Variants in ARHGAP32 observed in about 807,000 individuals in gnomAD.
The protein encoded by ARHGAP32 is Rho GTPase activating protein 32.
Under a neutral mutation model 186.5 loss-of-function variants are expected in ARHGAP32, and 51 were observed. The ratio of observed to expected loss-of-function variants is 0.27; its 90% CI spans 0.22 to 0.35. ARHGAP32 has a LOEUF of 0.35. Ranked by LOEUF, ARHGAP32 falls within the 10% of genes least tolerant of loss-of-function variation. The pLI is 1.00. For missense variants in ARHGAP32, 2,186 were observed against 2,623.5 expected, an observed-to-expected ratio of 0.83 and a Z score of 3.64; for synonymous variants, 950 against 964.3, an observed-to-expected ratio of 0.99 and a Z score of 0.27.
chr11:129,031,171 CA>C (rs777229688), intron 11 of ARHGAP32, among the ~76,000 whole-genome samples: 1 of 152,130 alleles, frequency 6.6e-6, no homozygotes, highest in Non-Finnish European at 1.5e-5. Context: ...AGATTTATAT[CA>C]ATAAATAGTA....
At chr11:129,077,982 C>A (rs764361451) in intron 6 of ARHGAP32, among the ~76,000 whole-genome samples, 24 of 152,212 alleles carry the variant, frequency 1.6e-4, no homozygotes, top group Non-Finnish European at 2.6e-4. Context: ...AGTCTGTCCA[C>A]CTGACAACTT....
At chr11:129,070,724 T>C (rs1381030377) in intron 6 of ARHGAP32, among the ~76,000 whole-genome samples, 2 of 151,998 alleles carry the variant, frequency 1.3e-5, no homozygotes, top group African/African-American at 2.4e-5. Flanking sequence ...AAAGTTAAAA[T>C]AAATACATAC....
intron 1 of ARHGAP32, among the ~76,000 whole-genome samples, chr11:129,258,887 C>G (rs996231308): frequency 6.6e-6 from 1 of 152,030 alleles, no homozygotes; most frequent in East Asian, 1.9e-4. Flanking sequence ...CTAATTTTTC[C>G]CATCTTACCC....
intron 5 of ARHGAP32, among the ~76,000 whole-genome samples, chr11:129,099,721 T>G (rs1941836334): frequency 6.9e-6 from 1 of 144,984 alleles, no homozygotes; most frequent in African/African-American, 2.6e-5. Flanking sequence ...TAATAGAAGG[T>G]TCAATACACA....
upstream of ARHGAP32, among the ~76,000 whole-genome samples, chr11:129,196,970 T>C (rs780580748): frequency 2.0e-5 from 3 of 151,968 alleles, no homozygotes; most frequent in South Asian, 2.1e-4. Flanking sequence ...GGCAGGAGAA[T>C]AGCTTCAGCC....
At position 128,978,801 on chromosome 11, in the gene ARHGAP32, C is replaced by T. The variant is rs1591492603; in HGVS notation, c.2091G>A (p.Glu697=). 1 of 1,612,384 alleles carries T rather than the reference C, an allele frequency of 6.2e-7. No individual in the cohort carries two copies. ...SKRKLQRNES[E]PSEMKAMALK... is the part of the protein sequence containing the mutation. The stretch of plus-strand genomic sequence containing the variant: ...GAGCCATGGCTTTCATCTCTGAAGG[C>T]TCACTCTCATTCCGCTGCAGCTTTC... The change falls in exon 19 of 23, where the codon GAG becomes GAA. Residue 697 remains glutamate (E), a synonymous_variant. Transcript: ENST00000682385.
intron 1 of ARHGAP32, among the ~76,000 whole-genome samples, chr11:129,244,861 C>G (rs1300282975): frequency 6.6e-6 from 1 of 151,658 alleles, no homozygotes; most frequent in African/African-American, 2.4e-5. Flanking sequence ...CTCACCATCA[C>G]TGGCCATCAG....
At chr11:129,027,903 A>T (rs538389685) in intron 11 of ARHGAP32, among the ~76,000 whole-genome samples, 9 of 152,340 alleles carry the variant, frequency 5.9e-5, no homozygotes, top group Non-Finnish European at 2.9e-5. Context: ...CTTAGTATGC[A>T]CTCGATAAAT....
intron 10 of ARHGAP32, among the ~76,000 whole-genome samples, chr11:129,058,531 GA>G (rs1940359542): frequency 6.6e-6 from 1 of 152,138 alleles, no homozygotes; most frequent in East Asian, 1.9e-4. Flanking sequence ...TACACAAAGT[GA>G]GGTCCACTAG....
intron 22 of ARHGAP32, chr11:128,971,710 G>A (rs1427435133): frequency 1.3e-5 from 2 of 152,686 alleles, no homozygotes; most frequent in East Asian, 3.9e-4. Flanking sequence ...TCCTCATACT[G>A]AAAACATGCT....
At chr11:129,140,381 T>C (rs777496384) in intron 2 of ARHGAP32, among the ~76,000 whole-genome samples, 11 of 152,212 alleles carry the variant, frequency 7.2e-5, no homozygotes, top group Non-Finnish European at 1.0e-4. Flanking sequence ...ACTTCTAACA[T>C]GCAGAACTGT....
chr11:129,078,249 G>A (rs1479974430), intron 6 of ARHGAP32, among the ~76,000 whole-genome samples: 1 of 152,068 alleles, frequency 6.6e-6, no homozygotes, highest in Admixed American at 6.5e-5. Context: ...CATCCCTAGG[G>A]GAAGGGGGTG....
At chr11:129,028,727 T>C (rs1374642408) in intron 11 of ARHGAP32, among the ~76,000 whole-genome samples, 1 of 152,166 alleles carries the variant, frequency 6.6e-6, no homozygotes, top group Non-Finnish European at 1.5e-5. Context: ...AAATTTGCAC[T>C]AGTGGACTAG....
chr11:128,994,465 A>G (rs2134709665), intron 12 of ARHGAP32, among the ~76,000 whole-genome samples: 1 of 152,152 alleles, frequency 6.6e-6, no homozygotes, highest in South Asian at 2.1e-4. Flanking sequence ...TCTCTTTCAT[A>G]TTAATGATCA....
chr11:129,143,072 CATAT>C (rs145242519), intron 2 of ARHGAP32, among the ~76,000 whole-genome samples: 6 of 112,464 alleles, frequency 5.3e-5, no homozygotes, highest in South Asian at 2.8e-4. Flanking sequence ...GGTAAAACTG[CATAT>C]ATATATATAT....
At chr11:129,000,258 T>A (rs1461394973) in intron 11 of ARHGAP32, among the ~76,000 whole-genome samples, 1 of 152,168 alleles carries the variant, frequency 6.6e-6, no homozygotes, top group East Asian at 1.9e-4. Context: ...TTCCACCGAC[T>A]GATACATTAG....
intron 11 of ARHGAP32, among the ~76,000 whole-genome samples, chr11:129,036,315 G>A (rs952291630): frequency 3.5e-5 from 5 of 141,362 alleles, no homozygotes; most frequent in African/African-American, 1.3e-4. Context: ...AGGAGGCGGA[G>A]GTTGCAGTGA....
chr11:129,086,913 C>T (rs1941426212), intron 6 of ARHGAP32, among the ~76,000 whole-genome samples: 2 of 151,738 alleles, frequency 1.3e-5, no homozygotes, highest in South Asian at 2.1e-4. Context: ...AATGAACAAC[C>T]TAATTAAAAA....
intron 2 of ARHGAP32, chr11:129,125,797 G>GTT: frequency 1.6e-4 from 55 of 337,858 alleles, no homozygotes; most frequent in South Asian, 2.4e-4. Context: ...CTTTTTGAGG[G>GTT]TTTTTTTTTT....
Sources: allele counts gnomAD v4.1 joint callset (sites outside exome capture counted in the v4.1 genomes callset), GRCh38; gene constraint gnomAD v4.1.1; transcripts MANE v1.5; gene names NCBI Gene and HGNC (gene_info 2026-07-23, HGNC 2026-07-21).